MAGI2: variants seen among roughly 807,000 people sequenced by gnomAD.
MAGI2 encodes the protein membrane associated guanylate kinase, WW and PDZ domain containing 2.
MAGI2 carries 35 observed loss-of-function variants against 133.3 expected under a neutral mutation model. That is an observed-to-expected ratio of 0.26 (90% CI 0.20 to 0.35). The LOEUF (loss-of-function observed/expected upper bound fraction) is 0.35. Ranked by LOEUF, MAGI2 falls within the 10% of genes least tolerant of loss-of-function variation. The pLI, the probability that MAGI2 is intolerant of heterozygous loss-of-function variation, is 1.00. For missense variants in MAGI2, 1,636 were observed against 1,863.4 expected, an observed-to-expected ratio of 0.88 and a Z score of 2.25; for synonymous variants, 729 against 710.6, an observed-to-expected ratio of 1.03 and a Z score of -0.41.
intron 1 of MAGI2, among the ~76,000 whole-genome samples, chr7:79,378,849 G>T (rs1306782257): frequency 1.4e-5 from 2 of 146,370 alleles, no homozygotes; most frequent in Non-Finnish European, 3.0e-5. Flanking sequence ...GATCCCAGTG[G>T]GGTTTCATTC....
intron 2 of MAGI2, among the ~76,000 whole-genome samples, chr7:78,792,068 T>C (rs986737027): frequency 3.3e-5 from 5 of 152,172 alleles, no homozygotes; most frequent in Admixed American, 2.0e-4. Flanking sequence ...ATGGTAAAAT[T>C]AGTCATTAGG....
chr7:78,340,778 C>G (rs1790288323), intron 9 of MAGI2, among the ~76,000 whole-genome samples: 1 of 151,986 alleles, frequency 6.6e-6, no homozygotes, highest in South Asian at 2.1e-4. Context: ...AAAACCTCTC[C>G]ATAAACTAGG....
chr7:78,151,930 C>T (rs916755145), intron 16 of MAGI2, among the ~76,000 whole-genome samples: 2 of 151,860 alleles, frequency 1.3e-5, no homozygotes, highest in East Asian at 1.9e-4. Flanking sequence ...ACAGCCCCAT[C>T]GACATAAATG....
chr7:78,031,174 A>G (rs1313612920), intron 21 of MAGI2, among the ~76,000 whole-genome samples: 1 of 152,216 alleles, frequency 6.6e-6, no homozygotes, highest in Non-Finnish European at 1.5e-5. Flanking sequence ...CTAAAGGGAG[A>G]GAAAACTGAT....
chr7:78,044,677 C>G (rs1811210360), intron 21 of MAGI2, among the ~76,000 whole-genome samples: 1 of 77,318 alleles, frequency 1.3e-5, no homozygotes, highest in African/African-American at 6.9e-5. Context: ...GGCTAATGTA[C>G]CGTGTGTGTG....
intron 1 of MAGI2, among the ~76,000 whole-genome samples, chr7:79,039,132 C>G (rs183388891): frequency 3.9e-5 from 6 of 152,142 alleles, no homozygotes; most frequent in African/African-American, 1.2e-4. Context: ...CCTGCTCCCC[C>G]CATGCTGTTC....
At chr7:78,429,246 G>A (rs1007219337) in intron 6 of MAGI2, among the ~76,000 whole-genome samples, 1 of 151,414 alleles carries the variant, frequency 6.6e-6, no homozygotes, top group African/African-American at 2.4e-5. Context: ...AACATCATCA[G>A]AACTCCCATC....
At chr7:78,069,563 AGAG>A (rs1814257110) in intron 21 of MAGI2, among the ~76,000 whole-genome samples, 1 of 151,444 alleles carries the variant, frequency 6.6e-6, no homozygotes, top group African/African-American at 2.4e-5. Context: ...AGAGAGAGAG[AGAG>A]AGAGAGGCTT....
intron 6 of MAGI2, among the ~76,000 whole-genome samples, chr7:78,466,594 T>C (rs1790657963): frequency 2.0e-5 from 3 of 152,218 alleles, no homozygotes; most frequent in South Asian, 4.1e-4. Flanking sequence ...TTGCCTTTTG[T>C]GCTTTAAAAT....
At chr7:78,714,826 CA>C (rs1819549478) in intron 2 of MAGI2, among the ~76,000 whole-genome samples, 1 of 152,164 alleles carries the variant, frequency 6.6e-6, no homozygotes, top group African/African-American at 2.4e-5. Context: ...ATGGAAGTCA[CA>C]ATGATTTAAA....
chr7:78,394,845 A>C (rs1796199384), intron 6 of MAGI2, among the ~76,000 whole-genome samples: 1 of 152,186 alleles, frequency 6.6e-6, no homozygotes, highest in Non-Finnish European at 1.5e-5. Context: ...GTACAGTTGC[A>C]GGAATGGAAA....
At position 78,785,580 on chromosome 7, in the gene MAGI2, T is replaced by C. The variant is rs896015543; in HGVS notation, c.419-158341A>G. ...GAACTCTGTTATTTGTTTCCTTTTT[T>C]GGGATTTAAAACTATGTCATTTACT... On this transcript the variant is annotated intron_variant, in intron 2 of 21. Transcript: ENST00000354212. Among the ~76,000 whole-genome samples the C allele has an allele frequency of 2.6e-5, 4 of 152,220 alleles. No homozygotes were observed. In the East Asian group the frequency reaches 7.7e-4, roughly 29 times the overall value.
intron 9 of MAGI2, among the ~76,000 whole-genome samples, chr7:78,333,399 A>G (rs912900513): frequency 2.0e-5 from 3 of 152,006 alleles, no homozygotes; most frequent in Admixed American, 1.3e-4. Context: ...CAGATAAAAG[A>G]TTACTAAAAA....
chr7:78,931,257 A>G (rs1273249424), intron 2 of MAGI2, among the ~76,000 whole-genome samples: 1 of 151,998 alleles, frequency 6.6e-6, no homozygotes, highest in African/African-American at 2.4e-5. Context: ...CAATGACTGG[A>G]TTTGATTTTT....
chr7:78,562,830 G>T lies in MAGI2; in HGVS notation c.539-41185C>A, dbSNP rs891586113. ...TTCCTAACTGCATCTCCCTAGAAGG[G>T]ATTCTTGGGATTTATGTCTCTTCTA... On this transcript the variant is annotated intron_variant, in intron 3 of 21. Transcript: ENST00000354212. Among the ~76,000 whole-genome samples, 15 of 152,104 alleles carry T rather than the reference G, an allele frequency of 9.9e-5. No individual in the cohort carries two copies. The East Asian group carries it at 2.9e-3, about 29-fold the overall frequency.
intron 1 of MAGI2, among the ~76,000 whole-genome samples, chr7:79,230,755 T>C (rs894196670): frequency 6.6e-6 from 1 of 152,136 alleles, no homozygotes; most frequent in African/African-American, 2.4e-5. Context: ...CTGTTCACTC[T>C]GATGGTAGTT....
At chr7:78,025,294 A>C (rs1808806219) in intron 21 of MAGI2, among the ~76,000 whole-genome samples, 1 of 143,956 alleles carries the variant, frequency 6.9e-6, no homozygotes, top group Non-Finnish European at 1.5e-5. Flanking sequence ...CATCCCAGAG[A>C]ACTCCAATCT....
intron 9 of MAGI2, among the ~76,000 whole-genome samples, chr7:78,282,103 T>C (rs1263743012): frequency 6.6e-6 from 1 of 152,144 alleles, no homozygotes; most frequent in Non-Finnish European, 1.5e-5. Context: ...TATGGGAAGG[T>C]ATTATATAAA....
chr7:79,339,617 G>C (rs567255951), intron 1 of MAGI2, among the ~76,000 whole-genome samples: 4 of 151,900 alleles, frequency 2.6e-5, no homozygotes, highest in African/African-American at 9.7e-5. Flanking sequence ...GTTCTACTAC[G>C]TATATTAAGT....
Sources: allele counts gnomAD v4.1 joint callset (sites outside exome capture counted in the v4.1 genomes callset), GRCh38; gene constraint gnomAD v4.1.1; transcripts MANE v1.5; gene names NCBI Gene and HGNC (gene_info 2026-07-23, HGNC 2026-07-21).